The following STPG2 variants were observed in gnomAD, a reference collection of about 807,000 sequenced individuals.
The protein encoded by STPG2 is sperm tail PG-rich repeat containing 2.
Under a neutral mutation model 54.2 loss-of-function variants are expected in STPG2, and 56 were observed. The ratio of observed to expected loss-of-function variants is 1.03; its 90% CI spans 0.83 to 1.29. STPG2 has a LOEUF of 1.29. STPG2 is among the 50% of genes most tolerant of loss of function. STPG2 has a pLI of 0.00. For synonymous variants in STPG2, 200 were observed against 181.8 expected, an observed-to-expected ratio of 1.10 and a Z score of -0.81; for missense variants, 596 against 544.9, an observed-to-expected ratio of 1.09 and a Z score of -0.93.
intron 1 of STPG2, 106 bp from the exon 2 acceptor site, chr4:98,134,565 C>T (rs1228109569): frequency 1.1e-5 from 5 of 465,232 alleles, no homozygotes; most frequent in Non-Finnish European, 1.8e-5. Context: ...ATTGTTAAGA[C>T]TTTATTTTCA....
intron 4 of STPG2, among the ~76,000 whole-genome samples, chr4:97,541,959 C>G (rs903527380): frequency 1.3e-5 from 2 of 152,064 alleles, no homozygotes; most frequent in Non-Finnish European, 2.9e-5. Flanking sequence ...ACACCTTATA[C>G]AAAAATTAAT....
chr4:98,055,553 C>A (rs921363144), intron 5 of STPG2, among the ~76,000 whole-genome samples: 1 of 152,148 alleles, frequency 6.6e-6, no homozygotes, highest in Non-Finnish European at 1.5e-5. Context: ...GAAACCATGG[C>A]AGGAAGGGAC....
chr4:97,619,472 ATG>A (rs982824155), intron 10 of STPG2, among the ~76,000 whole-genome samples: 3 of 151,056 alleles, frequency 2.0e-5, no homozygotes, highest in Non-Finnish European at 4.4e-5. Flanking sequence ...GAACTATTAT[ATG>A]TTTTGATTTG....
intron 10 of STPG2, among the ~76,000 whole-genome samples, chr4:97,640,956 A>G (rs1377706980): frequency 6.6e-6 from 1 of 151,676 alleles, no homozygotes; most frequent in Admixed American, 6.6e-5. Flanking sequence ...ATTATGAGGA[A>G]CAAAAGAATA....
At chr4:98,074,730 C>T (rs1738106611) in intron 5 of STPG2, among the ~76,000 whole-genome samples, 1 of 152,078 alleles carries the variant, frequency 6.6e-6, no homozygotes, top group African/African-American at 2.4e-5. Flanking sequence ...TTGTTAAAAC[C>T]ACCAATGGCA....
At chr4:97,616,057 A>ATATATAT (rs1733858264) in intron 10 of STPG2, among the ~76,000 whole-genome samples, 25 of 37,392 alleles carry the variant, frequency 6.7e-4, no homozygotes, top group East Asian at 2.6e-3. Flanking sequence ...AATACATATA[A>ATATATAT]ATATATATAT....
In STPG2 at chr4:97,722,807, T is replaced by A. The variant is rs531524322; in HGVS notation, c.1205-9993A>T. Among the ~76,000 whole-genome samples the A allele has an allele frequency of 4.1e-3, 620 of 149,804 alleles. 5 individuals are homozygous for A. The highest frequency in any genetic ancestry group is 0.02 in the South Asian group (96 of 4,704). ...TTTGAGTCTCTGCCAATTTTTTTTT[T>A]TTTTTTTTGAGACGGAGCCTTGCTC... is the stretch of plus-strand genomic sequence containing the variant. On this transcript the variant is annotated intron_variant, in intron 9 of 10. Coordinates refer to ENST00000295268, the MANE Select transcript of STPG2 (RefSeq NM_174952.3).
chr4:97,550,664 C>A (rs575505349), intron 4 of STPG2, among the ~76,000 whole-genome samples: 2 of 152,044 alleles, frequency 1.3e-5, no homozygotes, highest in Non-Finnish European at 2.9e-5. Flanking sequence ...AATGAAGCTG[C>A]GGACCCTTGT....
intron 8 of STPG2, among the ~76,000 whole-genome samples, chr4:97,861,967 C>T (rs1252796950): frequency 3.9e-5 from 6 of 152,018 alleles, no homozygotes; most frequent in African/African-American, 1.4e-4. Context: ...ACTGCAAAAA[C>T]ATGCCAAATT....
intron 4 of STPG2, among the ~76,000 whole-genome samples, chr4:97,460,175 C>T (rs1729627218): frequency 6.6e-6 from 1 of 152,130 alleles, no homozygotes; most frequent in South Asian, 2.1e-4. Flanking sequence ...GCATCTGCAC[C>T]CCTATATTAT....
At chr4:97,449,633 CTCT>C (rs975733648) in intron 4 of STPG2, among the ~76,000 whole-genome samples, 1 of 152,048 alleles carries the variant, frequency 6.6e-6, no homozygotes, top group African/African-American at 2.4e-5. Context: ...ATCAATGATC[CTCT>C]TTTTTTAATC....
At chr4:97,551,548 G>A (rs1731966754) in intron 4 of STPG2, among the ~76,000 whole-genome samples, 1 of 152,118 alleles carries the variant, frequency 6.6e-6, no homozygotes, top group Admixed American at 6.5e-5. Context: ...CTGAGAATGT[G>A]GCTTCATAAT....
chr4:98,073,086 T>G (rs529417283), intron 5 of STPG2, among the ~76,000 whole-genome samples: 1 of 152,336 alleles, frequency 6.6e-6, no homozygotes, highest in South Asian at 2.1e-4. Flanking sequence ...CATTCATTCA[T>G]GCTGCTTAAG....
chr4:97,634,424 T>A (rs1721425742), intron 10 of STPG2, among the ~76,000 whole-genome samples: 1 of 152,000 alleles, frequency 6.6e-6, no homozygotes, highest in Non-Finnish European at 1.5e-5. Context: ...AAACTAAAAA[T>A]CAGAGCTCCT....
intron 4 of STPG2, among the ~76,000 whole-genome samples, chr4:97,471,449 C>T (rs930265573): frequency 6.6e-6 from 1 of 152,088 alleles, no homozygotes; most frequent in African/African-American, 2.4e-5. Context: ...AATGCTATTG[C>T]TAATAATTCA....
intron 9 of STPG2, among the ~76,000 whole-genome samples, chr4:97,823,402 C>G (rs1215081502): frequency 6.6e-6 from 1 of 152,136 alleles, no homozygotes; most frequent in African/African-American, 2.4e-5. Flanking sequence ...TATAGAAAAG[C>G]AAACCCTGGG....
At chr4:97,491,652 T>G (rs947645988) in intron 4 of STPG2, among the ~76,000 whole-genome samples, 1 of 151,548 alleles carries the variant, frequency 6.6e-6, no homozygotes, top group African/African-American at 2.4e-5. Flanking sequence ...CACAGAGACT[T>G]AAGAAGGCAT....
chr4:97,710,608 C>A (rs892770104), intron 10 of STPG2, among the ~76,000 whole-genome samples: 1 of 151,894 alleles, frequency 6.6e-6, no homozygotes, highest in African/African-American at 2.4e-5. Context: ...TGTTAAAAAA[C>A]GTAAAAAGTT....
chr4:97,444,994 G>C (rs1226041393), intron 4 of STPG2, among the ~76,000 whole-genome samples: 1 of 152,140 alleles, frequency 6.6e-6, no homozygotes, highest in Non-Finnish European at 1.5e-5. Flanking sequence ...TGGAGATCGT[G>C]CCACTGCACT....
Sources: allele counts gnomAD v4.1 joint callset (sites outside exome capture counted in the v4.1 genomes callset), GRCh38; gene constraint gnomAD v4.1.1; transcripts MANE v1.5; gene names NCBI Gene and HGNC (gene_info 2026-07-23, HGNC 2026-07-21).